Variants in NUDT16 observed in about 807,000 individuals in gnomAD.
NUDT16 encodes nudix hydrolase 16.
A neutral mutation model predicts 11.7 loss-of-function variants in NUDT16; 12 were observed. That is an observed-to-expected ratio of 1.03 (90% CI 0.66 to 1.67). The LOEUF is 1.67. Ranked by LOEUF, NUDT16 falls within the 40% of genes most tolerant of loss-of-function variation. The pLI is 0.00. For synonymous variants in NUDT16, 129 were observed against 122.6 expected (o/e 1.05, Z -0.35); for missense variants, 303 against 268.9 (o/e 1.13, Z -0.89).
chr3:131,386,308 C>T lies in NUDT16; in HGVS notation c.*2967C>T, dbSNP rs1246536919. Reference sequence around the variant, plus strand: ...TGTTTCTCCTCCTGTTAGCCATTCCCACCCTGCTGATGTTTAAGGAAAGCC... The same window carrying T: ...TGTTTCTCCTCCTGTTAGCCATTCCTACCCTGCTGATGTTTAAGGAAAGCC... On this transcript the variant is annotated 3_prime_UTR_variant, in exon 3 of 3. Coordinates refer to ENST00000521288, the MANE Select transcript of NUDT16 (RefSeq NM_152395.3). 6.6e-6 allele frequency: 1 copy of T among 152,210 alleles called. No homozygotes were observed. Among genetic ancestry groups the T allele is most frequent in the Non-Finnish European group, 1.5e-5 (1 of 68,070 alleles). 9.4% of individuals were successfully genotyped at this position (152,210 alleles called of 1,614,324 possible).
rs2097460851 is a variant in NUDT16 at position 131,387,833 on chromosome 3, G to A, written c.*4492G>A. ...CAGGTAAACAAGGAAGGGAGAACAG[G>A]TGAATGACCCCAATTGTTTGAAACC... is the stretch of plus-strand genomic sequence containing the variant. On this transcript the variant is annotated 3_prime_UTR_variant, in exon 3 of 3. Transcript: ENST00000521288. 1 of 152,242 alleles carries A rather than the reference G, an allele frequency of 6.6e-6. No individual in the cohort carries two copies. Among genetic ancestry groups the A allele is most frequent in the Non-Finnish European group, 1.5e-5 (1 of 68,114 alleles). 9.4% of individuals were successfully genotyped at this position (152,242 alleles called of 1,614,324 possible). A position where few individuals can be genotyped will look rare whatever the true frequency, so the allele number is the denominator to read the frequency against.
chr3:131,381,979 G>GC, intron 1 of NUDT16, 37 bp downstream of exon 1: 1 of 1,598,026 alleles, frequency 6.3e-7, no homozygotes, highest in Non-Finnish European at 8.5e-7. Flanking sequence ...TTCTGCCTGA[G>GC]CCCCGCACCC....
Position 131,385,591 on chromosome 3 carries a change from G to A in NUDT16, c.*2250G>A, listed in dbSNP as rs1353593404. On this transcript the variant is annotated 3_prime_UTR_variant, in exon 3 of 3. Transcript: ENST00000521288. The stretch of plus-strand genomic sequence containing the variant: ...CTGGAAGCTTGATGCAGAGCAGTGT[G>A]GGTCCCACTGGCAGCCCTTGGTCTT... The A allele has an allele frequency of 6.6e-6, 1 of 152,388 alleles. No individual in the cohort carries two copies. Among genetic ancestry groups the A allele is most frequent in the Non-Finnish European group, 1.5e-5 (1 of 68,172 alleles). The allele number at this position is 152,388 out of a possible 1,614,324, so 9.4% of individuals were successfully genotyped here.
Position 131,383,988 on chromosome 3 carries a change from G to C in NUDT16, c.*647G>C, listed in dbSNP as rs1369140281. On this transcript the variant is annotated 3_prime_UTR_variant, in exon 3 of 3. Transcript: ENST00000521288. This position sits in a 1 kb window ranked among gnomAD's most constrained non-coding sequence, Gnocchi z 4.4. ...GCTAGGTCTCCTTGGACTGAGCATG[G>C]ACATGAGTCCTGTGAGGACTGGTGT... 6.3e-6 allele frequency: 1 copy of C among 158,232 alleles called. No homozygotes were observed. Among genetic ancestry groups the C allele is most frequent in the Admixed American group, 6.1e-5 (1 of 16,318 alleles). 9.8% of individuals were successfully genotyped at this position (158,232 alleles called of 1,614,324 possible). A position where few individuals can be genotyped will look rare whatever the true frequency, so the allele number is the denominator to read the frequency against.
Position 131,383,549 on chromosome 3 carries a change from A to T in NUDT16, c.*208A>T. ...CAAAAAGTCACAGCTTATCCCAGGC[A>T]CCCTGGCAGGTTCTCAGAGCCTGCC... On this transcript the variant is annotated 3_prime_UTR_variant, in exon 3 of 3. Transcript: ENST00000521288. The surrounding 1 kb of genome is among the most constrained non-coding windows in gnomAD (Gnocchi z 4.4). 1 of 1,200,618 alleles carries T rather than the reference A, an allele frequency of 8.3e-7. No homozygotes were observed. Among genetic ancestry groups the T allele is most frequent in the Non-Finnish European group, 1.1e-6 (1 of 877,078 alleles). The allele number at this position is 1,200,618 out of a possible 1,614,324, so 74.4% of individuals were successfully genotyped here.
At chr3:131,381,732 C>A, upstream of NUDT16, 1 of 1,485,502 alleles carries the variant, frequency 6.7e-7, no homozygotes, top group Admixed American at 2.2e-5. Context: ...CGCCCAGGCT[C>A]GGATTGGTCC....
chr3:131,386,618 G>A lies in NUDT16; in HGVS notation c.*3277G>A, dbSNP rs1196005086. The A allele has an allele frequency of 1.3e-5, 2 of 152,250 alleles. No individual in the cohort carries two copies. Among genetic ancestry groups the A allele is most frequent in the Non-Finnish European group, 2.9e-5 (2 of 68,078 alleles). The allele number at this position is 152,250 out of a possible 1,614,324, so 9.4% of individuals were successfully genotyped here. ...TCACAGCACATTTTGTTTCTTGCAA[G>A]GTGAGTGGCCCAGCCGCCTCTCCAC... On this transcript the variant is annotated 3_prime_UTR_variant, in exon 3 of 3. Transcript: ENST00000521288.
At chr3:131,382,790 T>C (rs558547433) in intron 2 of NUDT16, 52 of 1,113,860 alleles carry the variant, frequency 4.7e-5, no homozygotes, top group Non-Finnish European at 1.9e-5. Flanking sequence ...CATTCCTGCA[T>C]TGGTGGTGGG....
Position 131,382,145 on chromosome 3 carries a change from G to C in NUDT16, c.238G>C (p.Glu80Gln). 6.2e-7 allele frequency: 1 copy of C among 1,611,916 alleles called. No homozygotes were observed. Among genetic ancestry groups the C allele is most frequent in the Non-Finnish European group, 8.5e-7 (1 of 1,179,362 alleles). ...EDGLNRELRE[E>Q]LGEAAAAFRV... ...CGGGCTGAACCGCGAGCTGCGCGAG[G>C]AGCTGGGCGAAGCGGCTGCCGCTTT... Residue 80 changes from glutamate to glutamine, a missense_variant, in exon 2 of 3, where the codon GAG (glutamate) becomes CAG (glutamine). By Grantham distance (29) the Glu-to-Gln change is conservative. Transcript: ENST00000521288.
chr3:131,382,890 C>T (rs766579891), intron 2 of NUDT16: 9 of 608,974 alleles, frequency 1.5e-5, no homozygotes, highest in African/African-American at 3.7e-5. Context: ...ATTTTGACAA[C>T]CACTGGTGAA....
chr3:131,383,328 C>T lies in NUDT16; in HGVS notation c.575C>T (p.Pro192Leu), dbSNP rs764364663. 1 of 1,614,102 alleles carries T rather than the reference C, an allele frequency of 6.2e-7. No homozygotes were observed. The highest frequency in any genetic ancestry group is 1.7e-5 in the Admixed American group (1 of 60,002). Residue 192 changes from proline to leucine, a missense_variant, in exon 3 of 3, where the codon CCA becomes CTA. Physicochemically the swap from Pro to Leu is moderately conservative, Grantham distance 98. Transcript: ENST00000521288. The surrounding 1 kb of genome is among the most constrained non-coding windows in gnomAD (Gnocchi z 4.4). ...GGCTCTATTTCAGGCCTTAAGATTC[C>T]AGCTCATCACTAGAGGCAGCCCTCC... ...QSGSISGLKI[P>L]AHH
chr3:131,382,304 C>G lies in NUDT16; in HGVS notation c.397C>G (p.His133Asp). ...GGCCGGCGCAACACGCGCCAAGGAC[C>G]ACGGGCTGGAGGTGGGACCAGCCTG... is the stretch of plus-strand genomic sequence containing the variant. ...VEAGATRAKD[H>D]GLEVLGLVRV... Residue 133 changes from histidine to aspartate, a missense_variant, in exon 2 of 3, where the codon CAC (histidine) becomes GAC (aspartate). His to Asp is a moderately conservative substitution (Grantham distance 81). Coordinates refer to ENST00000521288, the MANE Select transcript of NUDT16 (RefSeq NM_152395.3). 1 of 1,613,004 alleles carries G rather than the reference C, an allele frequency of 6.2e-7. No homozygotes were observed. The highest frequency in any genetic ancestry group is 8.5e-7 in the Non-Finnish European group (1 of 1,180,010).
chr3:131,388,346 C>T lies in NUDT16; in HGVS notation c.*5005C>T, dbSNP rs1236485420. ...AACAGAACACATGTAACAGGAACAA[C>T]ATTTTAGAGGAAACAGGACAAAAAC... On this transcript the variant is annotated 3_prime_UTR_variant, in exon 3 of 3. Transcript: ENST00000521288. The T allele has an allele frequency of 6.6e-6, 1 of 152,198 alleles. No individual in the cohort carries two copies. Among genetic ancestry groups the T allele is most frequent in the Non-Finnish European group, 1.5e-5 (1 of 68,048 alleles). The allele number at this position is 152,198 out of a possible 1,614,324, so 9.4% of individuals were successfully genotyped here.
At position 131,382,369 on chromosome 3, in the gene NUDT16, T is replaced by C. The variant is rs1260430801; in HGVS notation, c.408+54T>C. ...TCCCAATTTCCTCTTCTCCCAAAGC[T>C]TTCTCTCCCCCAAGAAAGCATCCCT... On this transcript the variant is annotated intron_variant, in intron 2 of 2. Transcript: ENST00000521288. 3 of 1,607,056 alleles carry C rather than the reference T, an allele frequency of 1.9e-6. No individual in the cohort carries two copies. In the South Asian group the frequency reaches 3.3e-5, roughly 18 times the overall value.
At chr3:131,381,767 A>T, upstream of NUDT16, 1 of 1,532,660 alleles carries the variant, frequency 6.5e-7, no homozygotes, top group Non-Finnish European at 8.7e-7. Flanking sequence ...CCCTCTGCCC[A>T]TTGGGCCTTC....
In NUDT16 at chr3:131,384,941, GCA is replaced by G. The variant is rs1300471871; in HGVS notation, c.*1606_*1607del. 1.3e-5 allele frequency: 2 copies of G among 152,228 alleles called. No individual in the cohort carries two copies. The highest frequency in any genetic ancestry group is 4.8e-5 in the African/African-American group (2 of 41,416). The allele number at this position is 152,228 out of a possible 1,614,324, so 9.4% of individuals were successfully genotyped here. The stretch of plus-strand genomic sequence containing the variant: ...GTGTGTGTGTGTTGAGTGGGGCTCT[GCA>G]CACACCTGTCTTCCCCTCATCAGGA... On this transcript the variant is annotated 3_prime_UTR_variant, in exon 3 of 3. Transcript: ENST00000521288.
Position 131,382,085 on chromosome 3 carries a change from G to A in NUDT16, c.178G>A (p.Gly60Arg), listed in dbSNP as rs2097455822. ...RFDGRLGFPG[G>R]FVDTQDRSLE... ...CGATGGACGCCTGGGCTTCCCCGGC[G>A]GATTCGTGGACACGCAGGACAGAAG... Residue 60 changes from glycine (G) to arginine (R), a missense_variant, in exon 2 of 3, where the codon GGA becomes AGA. Gly to Arg is a moderately radical substitution (Grantham distance 125). Coordinates refer to ENST00000521288, the MANE Select transcript of NUDT16 (RefSeq NM_152395.3). 3.8e-6 allele frequency: 6 copies of A among 1,586,986 alleles called. No homozygotes were observed. The East Asian group carries it at 6.7e-5, about 18-fold the overall frequency.
chr3:131,381,718 GC>G, upstream of NUDT16: 2 of 1,438,544 alleles, frequency 1.4e-6, no homozygotes, highest in Non-Finnish European at 1.9e-6. Context: ...GGGCCTTGCA[GC>G]ACCGCCCAGG....
Position 131,387,815 on chromosome 3 carries a change from A to G in NUDT16, c.*4474A>G, listed in dbSNP as rs2097460835. 1 of 152,098 alleles carries G rather than the reference A, an allele frequency of 6.6e-6. No homozygotes were observed. Among genetic ancestry groups the G allele is most frequent in the African/African-American group, 2.4e-5 (1 of 41,378 alleles). The allele number at this position is 152,098 out of a possible 1,614,324, so 9.4% of individuals were successfully genotyped here. A position where few individuals can be genotyped will look rare whatever the true frequency, so the allele number is the denominator to read the frequency against. On this transcript the variant is annotated 3_prime_UTR_variant, in exon 3 of 3. Coordinates refer to ENST00000521288, the MANE Select transcript of NUDT16 (RefSeq NM_152395.3). ...GTGGATGTAGGGAAAGGCCAGGTAA[A>G]CAAGGAAGGGAGAACAGGTGAATGA... is the stretch of plus-strand genomic sequence containing the variant.
Sources: allele counts gnomAD v4.1 joint callset, GRCh38; gene constraint gnomAD v4.1.1; non-coding constraint Gnocchi (gnomAD v3.1); transcripts MANE v1.5; gene names NCBI Gene and HGNC (gene_info 2026-07-23, HGNC 2026-07-21).